FOXK1: variants seen among roughly 807,000 people sequenced by gnomAD.
FOXK1 encodes the protein forkhead box K1, also known as forkhead box protein K1.
A neutral mutation model predicts 51.9 loss-of-function variants in FOXK1; 19 were observed. That is an observed-to-expected ratio of 0.37 (90% CI 0.26 to 0.54). The LOEUF (loss-of-function observed/expected upper bound fraction) is 0.54. FOXK1 is among the 20% of genes least tolerant of loss of function. FOXK1 has a pLI of 0.87. For synonymous variants in FOXK1, 537 were observed against 482.6 expected (o/e 1.11, Z -1.48); for missense variants, 870 against 1,032.7 (o/e 0.84, Z 2.16).
At chr7:4,742,878 G>A (rs1156431882) in intron 2 of FOXK1, among the ~76,000 whole-genome samples, 1 of 152,230 alleles carries the variant, frequency 6.6e-6, no homozygotes, top group African/African-American at 2.4e-5. Flanking sequence ...TGAGTTGCTT[G>A]GAGTAGGTCT....
rs1001110898 is a variant in FOXK1 at position 4,753,315 on chromosome 7, T to C, written c.747-1144T>C. Among the ~76,000 whole-genome samples the C allele has an allele frequency of 1.3e-5, 2 of 152,140 alleles. No homozygotes were observed. The highest frequency in any genetic ancestry group is 2.9e-5 in the Non-Finnish European group (2 of 68,020). ...CTACTTAACCTAAGTTTTGGAGATC[T>C]AGGAGTCTTGTGCCTGGACAGTTAG... On this transcript the variant is annotated intron_variant, in intron 2 of 8. Coordinates refer to ENST00000328914, the MANE Select transcript of FOXK1 (RefSeq NM_001037165.2). This position sits in a 1 kb window ranked among gnomAD's most constrained non-coding sequence, Gnocchi z 4.9.
chr7:4,735,978 G>A lies in FOXK1; in HGVS notation c.561-4860G>A, dbSNP rs1354569558. 2.6e-5 allele frequency among the ~76,000 whole-genome samples: 4 copies of A among 152,006 alleles called. No homozygotes were observed. Among genetic ancestry groups the A allele is most frequent in the South Asian group, 4.2e-4 (2 of 4,814 alleles). On this transcript the variant is annotated intron_variant, in intron 1 of 8. Coordinates refer to ENST00000328914, the MANE Select transcript of FOXK1 (RefSeq NM_001037165.2). This position sits in a 1 kb window ranked among gnomAD's most constrained non-coding sequence, Gnocchi z 4.7. ...AGACCAGCCTGGCCAACATGACCCC[G>A]TCTCTACTAAAAATACAAAACTTAG... is the stretch of plus-strand genomic sequence containing the variant.
chr7:4,703,806 G>A lies in FOXK1; in HGVS notation c.560+20938G>A, dbSNP rs374472897. On this transcript the variant is annotated intron_variant, in intron 1 of 8. Transcript: ENST00000328914. The surrounding 1 kb of genome is among the most constrained non-coding windows in gnomAD (Gnocchi z 5.6). ...GGTGAAAAGGGAATCGCAGCCTGCC[G>A]AGAGCTTTAGAGAGACTCCCCTAAC... Among the ~76,000 whole-genome samples the A allele has an allele frequency of 3.3e-5, 5 of 152,220 alleles. No individual in the cohort carries two copies. Among genetic ancestry groups the A allele is most frequent in the South Asian group, 2.1e-4 (1 of 4,826 alleles).
rs1484603454 is a variant in FOXK1 at position 4,734,366 on chromosome 7, T to C, written c.561-6472T>C. 6.6e-6 allele frequency among the ~76,000 whole-genome samples: 1 copy of C among 152,228 alleles called. No individual in the cohort carries two copies. The highest frequency in any genetic ancestry group is 1.9e-4 in the East Asian group (1 of 5,188). On this transcript the variant is annotated intron_variant, in intron 1 of 8. Transcript: ENST00000328914. This position sits in a 1 kb window ranked among gnomAD's most constrained non-coding sequence, Gnocchi z 5.2. ...TTCCCGTTTCCCCTGGCTGTGGCTCTTGTGGTCCTGGCCTTGGTGGGCAGG... is the reference window on the plus strand; with the variant it reads ...TTCCCGTTTCCCCTGGCTGTGGCTCCTGTGGTCCTGGCCTTGGTGGGCAGG...
At chr7:4,737,485 G>T (rs960919505) in intron 1 of FOXK1, among the ~76,000 whole-genome samples, 1 of 150,414 alleles carries the variant, frequency 6.6e-6, no homozygotes, top group Non-Finnish European at 1.5e-5. Flanking sequence ...CGTGGGTGTG[G>T]GCGTGTGCGT....
intron 1 of FOXK1, among the ~76,000 whole-genome samples, chr7:4,739,268 C>A (rs570050322): frequency 1.3e-5 from 2 of 152,302 alleles, no homozygotes; most frequent in East Asian, 3.9e-4. Context: ...CTGAAAAGCG[C>A]ATTATCACCG....
rs1291227623 is a variant in FOXK1, at chr7:4,730,010, G to A, written c.561-10828G>A. Reference sequence around the variant, plus strand: ...GTCGAAACAATTTAAATAAAAAAAAGAAAAGGAAAAAGAAAGCCCGGCTTC... The same window carrying A: ...GTCGAAACAATTTAAATAAAAAAAAAAAAAGGAAAAAGAAAGCCCGGCTTC... On this transcript the variant is annotated intron_variant, in intron 1 of 8. Coordinates refer to ENST00000328914, the MANE Select transcript of FOXK1 (RefSeq NM_001037165.2). The surrounding 1 kb of genome is among the most constrained non-coding windows in gnomAD (Gnocchi z 4.7). Among the ~76,000 whole-genome samples the A allele has an allele frequency of 6.6e-6, 1 of 152,134 alleles. No individual in the cohort carries two copies. Among genetic ancestry groups the A allele is most frequent in the East Asian group, 1.9e-4 (1 of 5,184 alleles).
intron 1 of FOXK1, among the ~76,000 whole-genome samples, chr7:4,708,360 G>A (rs1171909502): frequency 4.6e-5 from 7 of 152,084 alleles, no homozygotes; most frequent in African/African-American, 1.7e-4. Flanking sequence ...ATCGGGATCC[G>A]GCCTCCTTCA....
At position 4,723,128 on chromosome 7, in the gene FOXK1, C is replaced by G. The variant is rs1232946775; in HGVS notation, c.561-17710C>G. 6.6e-6 allele frequency among the ~76,000 whole-genome samples: 1 copy of G among 151,828 alleles called. No homozygotes were observed. The highest frequency in any genetic ancestry group is 6.6e-5 in the Admixed American group (1 of 15,204). ...AACGGCACCGTGCTCACTCCAACGC[C>G]GTGGCTGTGAGCGGAGCCAGCTTCA... On this transcript the variant is annotated intron_variant, in intron 1 of 8. Coordinates refer to ENST00000328914, the MANE Select transcript of FOXK1 (RefSeq NM_001037165.2). The surrounding 1 kb of genome is among the most constrained non-coding windows in gnomAD (Gnocchi z 4.7).
chr7:4,717,515 C>G (rs1375110501), intron 1 of FOXK1, among the ~76,000 whole-genome samples: 1 of 137,614 alleles, frequency 7.3e-6, no homozygotes, highest in South Asian at 2.4e-4. Flanking sequence ...TGGGAGGTGC[C>G]TGGCTGGGAG....
In FOXK1 at chr7:4,762,496, C is replaced by T. The variant is rs1263211838; in HGVS notation, c.*32C>T. ...CTGCAACGCGGGGGAGTGGGACTCA[C>T]CCAGCGGCGACCCCGAAGCTGGACC... On this transcript the variant is annotated 3_prime_UTR_variant, in exon 9 of 9. Coordinates refer to ENST00000328914, the MANE Select transcript of FOXK1 (RefSeq NM_001037165.2). This position sits in a 1 kb window ranked among gnomAD's most constrained non-coding sequence, Gnocchi z 5.7. The T allele has an allele frequency of 2.0e-6, 3 of 1,518,704 alleles. No individual in the cohort carries two copies. The highest frequency in any genetic ancestry group is 2.5e-5 in the East Asian group (1 of 40,192). The allele number at this position is 1,518,704 out of a possible 1,614,324, so 94.1% of individuals were successfully genotyped here. A position where few individuals can be genotyped will look rare whatever the true frequency, so the allele number is the denominator to read the frequency against.
rs1460416465 is a variant in FOXK1 at position 4,767,937 on chromosome 7, A to G, written c.*5473A>G. 6.6e-6 allele frequency: 1 copy of G among 151,956 alleles called. No individual in the cohort carries two copies. Among genetic ancestry groups the G allele is most frequent in the African/African-American group, 2.4e-5 (1 of 41,366 alleles). The allele number at this position is 151,956 out of a possible 1,614,324, so 9.4% of individuals were successfully genotyped here. ...CCCTTACCCACACCGTGCGGCTTGA[A>G]TTCTGTCGGAGTTGAATCTGTGGAA... On this transcript the variant is annotated 3_prime_UTR_variant, in exon 9 of 9. Coordinates refer to ENST00000328914, the MANE Select transcript of FOXK1 (RefSeq NM_001037165.2). The surrounding 1 kb of genome is among the most constrained non-coding windows in gnomAD (Gnocchi z 6.6).
rs1780140902 is a variant in FOXK1 at position 4,709,020 on chromosome 7, GCC to G, written c.560+26155_560+26156del. Among the ~76,000 whole-genome samples the G allele has an allele frequency of 7.0e-6, 1 of 143,872 alleles. No homozygotes were observed. Among genetic ancestry groups the G allele is most frequent in the Non-Finnish European group, 1.5e-5 (1 of 67,060 alleles). The allele number at this position is 143,872 out of a possible 152,430, so 94.4% of individuals were successfully genotyped here. On this transcript the variant is annotated intron_variant, in intron 1 of 8. Coordinates refer to ENST00000328914, the MANE Select transcript of FOXK1 (RefSeq NM_001037165.2). This position sits in a 1 kb window ranked among gnomAD's most constrained non-coding sequence, Gnocchi z 5.6. Reference sequence around the variant, plus strand: ...GTGGAGGTTGCAGTGAGCCAAGATCGCCCCACTGCACTCCAGCCTGGGCAATG... The same window carrying G: ...GTGGAGGTTGCAGTGAGCCAAGATCGCCACTGCACTCCAGCCTGGGCAATG...
intron 1 of FOXK1, among the ~76,000 whole-genome samples, chr7:4,696,597 C>G (rs999083216): frequency 1.3e-5 from 2 of 152,184 alleles, no homozygotes; most frequent in African/African-American, 4.8e-5. Flanking sequence ...GCGAGTCCCT[C>G]GAGGGCAGGG....
chr7:4,740,267 A>G (rs540595122), intron 1 of FOXK1, among the ~76,000 whole-genome samples: 64 of 152,050 alleles, frequency 4.2e-4, no homozygotes, highest in Non-Finnish European at 8.1e-4. Flanking sequence ...CGTCTCTACT[A>G]AAAATATAAA....
intron 1 of FOXK1, among the ~76,000 whole-genome samples, chr7:4,732,648 G>T (rs1461344837): frequency 1.3e-5 from 2 of 152,166 alleles, no homozygotes; most frequent in African/African-American, 2.4e-5. Flanking sequence ...CCATAGTAAC[G>T]CAAGGCTTCA....
Position 4,767,590 on chromosome 7 carries a change from T to C in FOXK1, c.*5126T>C, listed in dbSNP as rs1020358343. 7 of 152,254 alleles carry C rather than the reference T, an allele frequency of 4.6e-5. No individual in the cohort carries two copies. The highest frequency in any genetic ancestry group is 1.7e-4 in the African/African-American group (7 of 41,462). The allele number at this position is 152,254 out of a possible 1,614,324, so 9.4% of individuals were successfully genotyped here. On this transcript the variant is annotated 3_prime_UTR_variant, in exon 9 of 9. Transcript: ENST00000328914. This position sits in a 1 kb window ranked among gnomAD's most constrained non-coding sequence, Gnocchi z 6.6. ...GCTCCAGAGGTTCCTGGGTAATGTATTGTGGCTCTTGGAAATGAGGGTAGA... is the reference window on the plus strand; with the variant it reads ...GCTCCAGAGGTTCCTGGGTAATGTACTGTGGCTCTTGGAAATGAGGGTAGA...
intron 1 of FOXK1, among the ~76,000 whole-genome samples, chr7:4,706,355 G>A (rs1317202881): frequency 1.3e-5 from 2 of 151,470 alleles, no homozygotes; most frequent in African/African-American, 4.9e-5. Flanking sequence ...AAAGTGCTCT[G>A]GCACCCTAAG....
At chr7:4,732,735 C>G (rs939829536) in intron 1 of FOXK1, among the ~76,000 whole-genome samples, 2 of 152,218 alleles carry the variant, frequency 1.3e-5, no homozygotes, top group African/African-American at 4.8e-5. Context: ...AGCTGCTATT[C>G]ACTGAGTTTT....
Sources: gnomAD v4.1 joint callset for allele counts (sites outside exome capture counted in the v4.1 genomes callset) on GRCh38, gnomAD v4.1.1 for gene constraint, Gnocchi (gnomAD v3.1) non-coding constraint, MANE v1.5 for transcripts, NCBI Gene and HGNC (gene_info 2026-07-23, HGNC 2026-07-21) for gene names.